The following PPFIA1 variants were observed in gnomAD, a reference collection of about 807,000 sequenced individuals.
The protein encoded by PPFIA1 is liprin-alpha-1.
A neutral mutation model predicts 149.9 loss-of-function variants in PPFIA1; 25 were observed. The observed-to-expected ratio is 0.17, with a 90% CI of 0.12 to 0.23. The LOEUF is 0.23. Among genes scored for constraint, PPFIA1 ranks in the 10% least tolerant of loss-of-function variants. The pLI is 1.00. For missense variants in PPFIA1, 1,362 were observed against 1,506.5 expected, an observed-to-expected ratio of 0.90 and a Z score of 1.59; for synonymous variants, 549 against 552.8, an observed-to-expected ratio of 0.99 and a Z score of 0.10.
intron 9 of PPFIA1, among the ~76,000 whole-genome samples, chr11:70,332,512 C>T (rs1319010410): frequency 1.3e-5 from 2 of 152,018 alleles, no homozygotes; most frequent in Non-Finnish European, 2.9e-5. Context: ...TTTGAAATTA[C>T]TTAAAAATGT....
At chr11:70,379,730 TAAAAA>T (rs1031364725) in intron 26 of PPFIA1, among the ~76,000 whole-genome samples, 4 of 152,116 alleles carry the variant, frequency 2.6e-5, no homozygotes, top group Admixed American at 6.6e-5. Context: ...TGTATAAAAA[TAAAAA>T]GAAAAGTACA....
At chr11:70,325,933 CAAA>C (rs71049905) in intron 5 of PPFIA1, among the ~76,000 whole-genome samples, 21 of 102,334 alleles carry the variant, frequency 2.1e-4, no homozygotes, top group Admixed American at 2.0e-4. Context: ...ACTCTGTCTC[CAAA>C]AAAAAAAAAA....
intron 2 of PPFIA1, 136 bp from the exon 3 acceptor site, chr11:70,324,266 C>T: frequency 1.7e-6 from 1 of 591,660 alleles, no homozygotes; most frequent in Non-Finnish European, 3.0e-6. Context: ...TGCCCTCTTT[C>T]TCTGGAGGAT....
intron 15 of PPFIA1, 64 bp from the exon 16 acceptor site, chr11:70,348,125 C>T: frequency 6.9e-7 from 1 of 1,440,184 alleles, no homozygotes. Context: ...CATGGTTTTT[C>T]TCATGCAAAC....
intron 2 of PPFIA1, among the ~76,000 whole-genome samples, chr11:70,273,106 T>C (rs1279643751): frequency 6.6e-6 from 1 of 152,170 alleles, no homozygotes; most frequent in Non-Finnish European, 1.5e-5. Flanking sequence ...GGCAAAACCC[T>C]GTCTCTACCA....
At chr11:70,315,684 T>G (rs1457576924) in intron 2 of PPFIA1, among the ~76,000 whole-genome samples, 78 of 139,406 alleles carry the variant, frequency 5.6e-4, no homozygotes, top group African/African-American at 2.2e-3. Context: ...TTCTGTTTTT[T>G]TTTTTTTTTT....
chr11:70,340,041 T>C (rs1016101095), intron 14 of PPFIA1, among the ~76,000 whole-genome samples: 1 of 151,572 alleles, frequency 6.6e-6, no homozygotes, highest in African/African-American at 2.4e-5. Flanking sequence ...CCGAGTGCAG[T>C]GCCTCACACC....
intron 14 of PPFIA1, among the ~76,000 whole-genome samples, chr11:70,340,205 G>A (rs2055240591): frequency 6.6e-6 from 1 of 151,986 alleles, no homozygotes; most frequent in Non-Finnish European, 1.5e-5. Context: ...TACTCAGGAG[G>A]CTGAGGCAGA....
chr11:70,345,721 G>A (rs2055650249), intron 15 of PPFIA1, among the ~76,000 whole-genome samples: 1 of 152,140 alleles, frequency 6.6e-6, no homozygotes, highest in South Asian at 2.1e-4. Flanking sequence ...CAGCTACTTG[G>A]GAGGCTGAGG....
chr11:70,272,014 C>T, intron 1 of PPFIA1, 159 bp from the exon 2 acceptor site: 1 of 813,160 alleles, frequency 1.2e-6, no homozygotes, highest in Admixed American at 2.3e-5. Context: ...TAATATTTGC[C>T]CTGTGTATGT....
intron 16 of PPFIA1, among the ~76,000 whole-genome samples, chr11:70,349,494 A>G (rs999621214): frequency 1.3e-5 from 2 of 152,186 alleles, no homozygotes; most frequent in Admixed American, 6.5e-5. Flanking sequence ...ACTATCTTGT[A>G]TATTTAGAAT....
rs369965878 is a variant in PPFIA1, at chr11:70,326,308, A to G, written c.653A>G (p.Asp218Gly). 64 of 1,610,152 alleles carry G rather than the reference A, an allele frequency of 4.0e-5. No individual in the cohort carries two copies. The highest frequency in any genetic ancestry group is 1.5e-4 in the Admixed American group (9 of 59,784). The change falls in exon 6 of 28, where the codon GAT becomes GGT. Residue 218 changes from aspartate (D) to glycine (G), a missense_variant. By Grantham distance (94) the Asp-to-Gly change is moderately conservative. Coordinates refer to ENST00000253925, the MANE Select transcript of PPFIA1 (RefSeq NM_003626.5). ...EQNNQKKTLT[D>G]GVLDINHEQE... ...AATAATCAGAAAAAAACTCTAACAG[A>G]TGGAGTGCTGGACATAAACCATGAA... is the stretch of plus-strand genomic sequence containing the variant.
At chr11:70,359,234 G>A (rs564026289) in intron 19 of PPFIA1, among the ~76,000 whole-genome samples, 1 of 152,292 alleles carries the variant, frequency 6.6e-6, no homozygotes, top group East Asian at 1.9e-4. Flanking sequence ...GGCTGGTCTT[G>A]AACTCCTGGC....
chr11:70,326,707 G>A lies in PPFIA1; in HGVS notation c.819G>A (p.Leu273=). 1 of 1,614,052 alleles carries A rather than the reference G, an allele frequency of 6.2e-7. No homozygotes were observed. The highest frequency in any genetic ancestry group is 1.1e-5 in the South Asian group (1 of 91,082). ...SREQSQMKER[L]ASLSSHVTEL... The stretch of plus-strand genomic sequence containing the variant: ...AACAGAGCCAAATGAAAGAACGCCT[G>A]GCTTCCCTTTCCAGTCATGTGACAG... The change falls in exon 7 of 28, where the codon CTG becomes CTA. Residue 273 remains leucine, a synonymous_variant. Transcript: ENST00000253925.
intron 15 of PPFIA1, among the ~76,000 whole-genome samples, chr11:70,345,669 T>A (rs1043447229): frequency 6.6e-6 from 1 of 151,484 alleles, no homozygotes; most frequent in Non-Finnish European, 1.5e-5. Context: ...CAAAAAAAAT[T>A]AAAAAAAATG....
In PPFIA1 at chr11:70,308,794, A is replaced by T. The variant is rs529196243; in HGVS notation, c.265-15608A>T. 2.6e-5 allele frequency among the ~76,000 whole-genome samples: 4 copies of T among 152,168 alleles called. No homozygotes were observed. In the South Asian group the frequency reaches 8.3e-4, roughly 32 times the overall value. On this transcript the variant is annotated intron_variant, in intron 2 of 27. Transcript: ENST00000253925. ...AAACAAAACAAAACAAAAAAACCCA[A>T]CTTGAACATTGTGGTGCACGTCTGT...
chr11:70,300,077 CCAT>C (rs1312623605), intron 2 of PPFIA1, among the ~76,000 whole-genome samples: 1 of 152,132 alleles, frequency 6.6e-6, no homozygotes, highest in African/African-American at 2.4e-5. Context: ...AGATCTCCCT[CCAT>C]CAGTGCCAGC....
rs919685511 is a variant in PPFIA1 at position 70,329,580 on chromosome 11, G to A, written c.931-593G>A. ...TCCTGTCTCAGACTCCCAAGTACCTGGGACTACAGGGGCGTGCCACCATGC... is the reference window on the plus strand; with the variant it reads ...TCCTGTCTCAGACTCCCAAGTACCTAGGACTACAGGGGCGTGCCACCATGC... On this transcript the variant is annotated intron_variant, in intron 7 of 27. Coordinates refer to ENST00000253925, the MANE Select transcript of PPFIA1 (RefSeq NM_003626.5). Among the ~76,000 whole-genome samples the A allele has an allele frequency of 3.9e-5, 6 of 152,076 alleles. No homozygotes were observed. The South Asian group carries it at 6.2e-4, about 16-fold the overall frequency.
chr11:70,365,380 G>A (rs1299279465), intron 21 of PPFIA1: 2 of 456,616 alleles, frequency 4.4e-6, no homozygotes, highest in Admixed American at 4.7e-5. Context: ...TAGACCACAG[G>A]AAATGTCTGG....
Sources: allele counts gnomAD v4.1 joint callset (sites outside exome capture counted in the v4.1 genomes callset), GRCh38; gene constraint gnomAD v4.1.1; transcripts MANE v1.5; gene names NCBI Gene and HGNC (gene_info 2026-07-23, HGNC 2026-07-21).